PTPRK: variants seen among roughly 807,000 people sequenced by gnomAD.
PTPRK encodes protein tyrosine phosphatase receptor type K.
In PTPRK, 75 loss-of-function variants were observed where a neutral mutation model predicts 178.0. That is an observed-to-expected ratio of 0.42 (90% CI 0.35 to 0.51). The LOEUF is 0.51. Ranked by LOEUF, PTPRK falls within the 20% of genes least tolerant of loss-of-function variation. PTPRK has a pLI of 0.02. For missense variants in PTPRK, 1,441 were observed against 1,797.8 expected (o/e 0.80, Z 3.59); for synonymous variants, 637 against 620.6 (o/e 1.03, Z -0.39).
chr6:128,420,390 AT>A (rs1273109463), intron 1 of PTPRK, among the ~76,000 whole-genome samples: 1 of 152,206 alleles, frequency 6.6e-6, no homozygotes, highest in Non-Finnish European at 1.5e-5. Context: ...AAACTAAAAT[AT>A]CTATTTTTCC....
At chr6:128,429,474 T>A (rs1175665447) in intron 1 of PTPRK, among the ~76,000 whole-genome samples, 1 of 152,190 alleles carries the variant, frequency 6.6e-6, no homozygotes, top group African/African-American at 2.4e-5. Flanking sequence ...AAAACCTTCT[T>A]GGCTTTTTGA....
intron 3 of PTPRK, among the ~76,000 whole-genome samples, chr6:128,252,801 A>G (rs2128289831): frequency 6.6e-6 from 1 of 152,310 alleles, no homozygotes; most frequent in Admixed American, 6.5e-5. Flanking sequence ...AGATTAAAAG[A>G]TATTATACAC....
chr6:128,000,715 G>T (rs1777735310), intron 15 of PTPRK, among the ~76,000 whole-genome samples: 1 of 151,956 alleles, frequency 6.6e-6, no homozygotes, highest in African/African-American at 2.4e-5. Context: ...CAATTGATTT[G>T]GGCACTGCCA....
chr6:128,187,566 C>T (rs558314590), intron 6 of PTPRK, among the ~76,000 whole-genome samples: 1 of 152,122 alleles, frequency 6.6e-6, no homozygotes, highest in East Asian at 1.9e-4. Flanking sequence ...TGCCATATAG[C>T]ATATACATTT....
rs756882793 is a variant in PTPRK at position 128,228,126 on chromosome 6, AAAAG to A, written c.694-9034_694-9031del. Among the ~76,000 whole-genome samples the A allele has an allele frequency of 1.4e-4, 21 of 152,170 alleles. No homozygotes were observed. In the East Asian group the frequency reaches 2.5e-3, roughly 18 times the overall value. On this transcript the variant is annotated intron_variant, in intron 5 of 29. Transcript: ENST00000368226. ...AGAACTTAAAGTCTAATTAAAAAAA[AAAAG>A]AAAGAAAGAAATAGAGAGGGAAAAA...
intron 2 of PTPRK, among the ~76,000 whole-genome samples, chr6:128,333,764 C>T (rs529609332): frequency 6.6e-6 from 1 of 152,322 alleles, no homozygotes; most frequent in East Asian, 1.9e-4. Flanking sequence ...TGGAGTAGCA[C>T]TTCCAATTTC....
At chr6:128,227,750 A>G (rs1811599371) in intron 5 of PTPRK, among the ~76,000 whole-genome samples, 1 of 152,248 alleles carries the variant, frequency 6.6e-6, no homozygotes, top group African/African-American at 2.4e-5. Context: ...TAATATTTCA[A>G]GATAAGCTAA....
chr6:128,365,138 C>G (rs1276872207), intron 2 of PTPRK, among the ~76,000 whole-genome samples: 8 of 152,060 alleles, frequency 5.3e-5, no homozygotes, highest in South Asian at 2.1e-4. Context: ...TCTTGGAAGT[C>G]TGTAGTGTCC....
At position 128,253,876 on chromosome 6, in the gene PTPRK, C is replaced by T. The variant is rs1364230878; in HGVS notation, c.496-11274G>A. The stretch of plus-strand genomic sequence containing the variant: ...GTATGCACTTACAAAGAAAAGCAAC[C>T]TTTAAGTAAACCAGATGATTAATTT... On this transcript the variant is annotated intron_variant, in intron 3 of 29. Coordinates refer to ENST00000368226, the MANE Select transcript of PTPRK (RefSeq NM_002844.4). 6.6e-5 allele frequency among the ~76,000 whole-genome samples: 10 copies of T among 152,168 alleles called. No homozygotes were observed. In the East Asian group the frequency reaches 1.9e-3, roughly 29 times the overall value.
chr6:128,041,270 T>C (rs919071201), intron 13 of PTPRK, among the ~76,000 whole-genome samples: 2 of 152,208 alleles, frequency 1.3e-5, no homozygotes, highest in South Asian at 2.1e-4. Flanking sequence ...GTGGTCACCA[T>C]TCATTCAAGA....
At chr6:128,001,249 C>A (rs766883945) in intron 15 of PTPRK, 1 of 1,485,550 alleles carries the variant, frequency 6.7e-7, no homozygotes, top group Middle Eastern at 1.7e-4. Flanking sequence ...ACCAAAAATA[C>A]GAATCAGTAT....
Position 128,520,431 on chromosome 6 carries a change from A to C in PTPRK, c.-73T>G. ...GGGATCGCCGCGAAATCCACGACGGAGGAGCGGGCCGGGCCTCGCGGGGTG... is the reference window on the plus strand; with the variant it reads ...GGGATCGCCGCGAAATCCACGACGGCGGAGCGGGCCGGGCCTCGCGGGGTG... On this transcript the variant is annotated 5_prime_UTR_variant, in exon 1 of 30. Coordinates refer to ENST00000368226, the MANE Select transcript of PTPRK (RefSeq NM_002844.4). The C allele has an allele frequency of 6.9e-7, 1 of 1,455,814 alleles. No homozygotes were observed. The highest frequency in any genetic ancestry group is 9.4e-7 in the Non-Finnish European group (1 of 1,061,244). The allele number at this position is 1,455,814 out of a possible 1,614,324, so 90.2% of individuals were successfully genotyped here.
intron 7 of PTPRK, among the ~76,000 whole-genome samples, chr6:128,127,902 G>C (rs1162737364): frequency 6.6e-6 from 1 of 152,120 alleles, no homozygotes; most frequent in Non-Finnish European, 1.5e-5. Context: ...CTGTGGATCA[G>C]CTTACTAAGA....
intron 1 of PTPRK, among the ~76,000 whole-genome samples, chr6:128,449,293 C>G (rs1413167394): frequency 6.6e-6 from 1 of 152,148 alleles, no homozygotes; most frequent in Non-Finnish European, 1.5e-5. Context: ...ATTTAAAACC[C>G]TTTTAACATT....
At chr6:128,506,682 A>AG (rs1554284970) in intron 1 of PTPRK, among the ~76,000 whole-genome samples, 3,973 of 146,070 alleles carry the variant, frequency 0.027, 201 homozygotes, top group African/African-American at 0.086. Context: ...AAAAAAAAAA[A>AG]TTATTATAAG....
At chr6:128,293,364 T>C (rs1823730535) in intron 3 of PTPRK, among the ~76,000 whole-genome samples, 1 of 152,036 alleles carries the variant, frequency 6.6e-6, no homozygotes, top group Non-Finnish European at 1.5e-5. Context: ...TGCTGTGTTT[T>C]CACATGGTGA....
At chr6:128,015,478 A>G (rs542568443) in intron 13 of PTPRK, among the ~76,000 whole-genome samples, 3 of 151,732 alleles carry the variant, frequency 2.0e-5, no homozygotes, top group African/African-American at 4.8e-5. Flanking sequence ...TCAAGACCCA[A>G]TCTTGTTTTT....
At chr6:128,497,443 T>TTAA (rs1854848763) in intron 1 of PTPRK, among the ~76,000 whole-genome samples, 1 of 151,978 alleles carries the variant, frequency 6.6e-6, no homozygotes, top group East Asian at 1.9e-4. Flanking sequence ...GACCCTGTCT[T>TTAA]TAATAATAAT....
At chr6:128,269,626 C>A (rs1238794101) in intron 3 of PTPRK, among the ~76,000 whole-genome samples, 1 of 151,880 alleles carries the variant, frequency 6.6e-6, no homozygotes, top group African/African-American at 2.4e-5. Flanking sequence ...GGGTGCCCTA[C>A]ATTTGGATGT....
Sources: gnomAD v4.1 joint callset for allele counts (sites outside exome capture counted in the v4.1 genomes callset) on GRCh38, gnomAD v4.1.1 for gene constraint, MANE v1.5 for transcripts, NCBI Gene and HGNC (gene_info 2026-07-23, HGNC 2026-07-21) for gene names.